SGCD: variants seen among roughly 807,000 people sequenced by gnomAD.
SGCD encodes delta-sarcoglycan.
SGCD carries 18 observed loss-of-function variants against 36.6 expected under a neutral mutation model. The ratio of observed to expected loss-of-function variants is 0.49; its 90% CI spans 0.34 to 0.73. The LOEUF (loss-of-function observed/expected upper bound fraction) is 0.73. SGCD is among the 30% of genes least tolerant of loss of function. The probability of loss-of-function intolerance (pLI) is 0.01; values close to 1 mark genes in which losing one functional copy is unlikely to be tolerated. For missense variants in SGCD, 387 were observed against 346.7 expected (o/e 1.12, Z -0.92); for synonymous variants, 133 against 130.6 (o/e 1.02, Z -0.12).
chr5:156,407,152 C>T (rs1459943966), intron 3 of SGCD, among the ~76,000 whole-genome samples: 5 of 152,228 alleles, frequency 3.3e-5, no homozygotes, highest in African/African-American at 9.6e-5. Flanking sequence ...ATGTTAATCT[C>T]GTCTGGCAAC....
At chr5:156,353,534 G>A (rs992130579) in intron 3 of SGCD, among the ~76,000 whole-genome samples, 1 of 152,172 alleles carries the variant, frequency 6.6e-6, no homozygotes, top group Non-Finnish European at 1.5e-5. Flanking sequence ...TAGTAAATGG[G>A]TGAAAGTGAT....
chr5:156,256,922 T>C (rs1485909163), intron 3 of SGCD, among the ~76,000 whole-genome samples: 1 of 152,132 alleles, frequency 6.6e-6, no homozygotes, highest in Non-Finnish European at 1.5e-5. Flanking sequence ...CTCACACCTA[T>C]AATACCAGCA....
chr5:156,669,905 G>A (rs1021869920), intron 7 of SGCD, among the ~76,000 whole-genome samples: 1 of 152,020 alleles, frequency 6.6e-6, no homozygotes, highest in Non-Finnish European at 1.5e-5. Flanking sequence ...TGGGGGAAAT[G>A]TCTTGAGTAC....
intron 4 of SGCD, among the ~76,000 whole-genome samples, chr5:156,531,405 G>A (rs1757883225): frequency 6.6e-6 from 1 of 152,202 alleles, no homozygotes; most frequent in Admixed American, 6.5e-5. Context: ...TGTACAGGAA[G>A]TATAATGAAA....
chr5:156,184,470 T>G (rs1305333608), intron 3 of SGCD, among the ~76,000 whole-genome samples: 1 of 151,866 alleles, frequency 6.6e-6, no homozygotes, highest in African/African-American at 2.4e-5. Context: ...ATAATTTAAA[T>G]AAGATGCTAC....
chr5:156,551,935 G>A (rs149848136), intron 4 of SGCD, among the ~76,000 whole-genome samples: 28 of 152,140 alleles, frequency 1.8e-4, no homozygotes, highest in Non-Finnish European at 3.4e-4. Context: ...TTTTCTAACC[G>A]ACCTGAAAAA....
intron 3 of SGCD, among the ~76,000 whole-genome samples, chr5:156,142,850 T>C (rs911024858): frequency 2.0e-5 from 3 of 152,184 alleles, no homozygotes; most frequent in Non-Finnish European, 2.9e-5. Flanking sequence ...GTGTAAAAGT[T>C]TGGAAAATTT....
rs373871327 is a variant in SGCD, at chr5:156,759,232, G to A, written c.715G>A (p.Ala239Thr). The A allele has an allele frequency of 1.1e-5, 17 of 1,613,570 alleles. No individual in the cohort carries two copies. The East Asian group carries it at 3.6e-4, about 34-fold the overall frequency. Residue 239 changes from alanine (A) to threonine (T), a missense_variant, in exon 9 of 9, where the codon GCG becomes ACG. By Grantham distance (58) the Ala-to-Thr change is moderately conservative. Transcript: ENST00000337851. The stretch of plus-strand genomic sequence containing the variant: ...CTGTCTTTAGATTAAGTTAGATGCT[G>A]CGAAAATCAGGCTACCTAGACTGCC... The part of the protein sequence containing the change: ...SKDGEIKLDA[A>T]KIRLPRLPHG...
intron 7 of SGCD, among the ~76,000 whole-genome samples, chr5:156,721,219 A>C (rs756774815): frequency 3.3e-5 from 5 of 152,174 alleles, no homozygotes; most frequent in Non-Finnish European, 5.9e-5. Context: ...ATGGAGTTCA[A>C]GGCAGAAGAT....
intron 3 of SGCD, among the ~76,000 whole-genome samples, chr5:156,216,164 G>A (rs982522449): frequency 1.3e-5 from 2 of 152,126 alleles, no homozygotes; most frequent in South Asian, 4.1e-4. Flanking sequence ...GTTATTAAGA[G>A]GCTGGGGAGA....
In SGCD at chr5:156,489,015, A is replaced by G. The variant is rs752529986; in HGVS notation, c.193-19586A>G. ...CCTGGATAGACACATTTAGATTGCA[A>G]GTGAAGGAATGGAAAAAGGGATTTC... On this transcript the variant is annotated intron_variant, in intron 3 of 8. Coordinates refer to ENST00000337851, the MANE Select transcript of SGCD (RefSeq NM_000337.6). Among the ~76,000 whole-genome samples, 113 of 152,216 alleles carry G rather than the reference A, an allele frequency of 7.4e-4. 1 individual carries two copies. Among genetic ancestry groups the G allele is most frequent in the Non-Finnish European group, 1.1e-3 (73 of 67,934 alleles).
chr5:155,728,761 C>T, the SGCD span, among the ~76,000 whole-genome samples: 10 of 152,136 alleles, frequency 6.6e-5, no homozygotes, highest in Non-Finnish European at 1.5e-4. Context: ...CCTGTGAGCC[C>T]CTCTCCCCGC....
intron 1 of SGCD, among the ~76,000 whole-genome samples, chr5:156,079,788 C>G (rs1334222885): frequency 2.0e-5 from 3 of 152,214 alleles, no homozygotes; most frequent in Admixed American, 1.3e-4. Context: ...CACAGCTGCT[C>G]TCACAGATTG....
chr5:156,484,230 T>C (rs749973453), intron 3 of SGCD, among the ~76,000 whole-genome samples: 1 of 152,136 alleles, frequency 6.6e-6, no homozygotes, highest in Non-Finnish European at 1.5e-5. Context: ...GAAGGCCTTC[T>C]TTTTCCTGAA....
intron 3 of SGCD, among the ~76,000 whole-genome samples, chr5:156,192,957 G>A (rs778485692): frequency 1.3e-5 from 2 of 151,046 alleles, no homozygotes; most frequent in African/African-American, 2.4e-5. Flanking sequence ...AAACTAATGA[G>A]TCTGGCTGTG....
At chr5:156,095,206 C>CGCCTACG (rs1761346024) in intron 1 of SGCD, among the ~76,000 whole-genome samples, 2 of 152,046 alleles carry the variant, frequency 1.3e-5, no homozygotes, top group Non-Finnish European at 2.9e-5. Flanking sequence ...GTTTGCAATC[C>CGCCTACG]CAAGAGGTAT....
chr5:156,620,715 C>T (rs965040291), intron 6 of SGCD, among the ~76,000 whole-genome samples: 2 of 152,140 alleles, frequency 1.3e-5, no homozygotes, highest in South Asian at 2.1e-4. Flanking sequence ...GAGCTGCCAT[C>T]GTTTTTTCCA....
chr5:156,017,932 G>A (rs1340229944), intron 1 of SGCD, among the ~76,000 whole-genome samples: 1 of 152,174 alleles, frequency 6.6e-6, no homozygotes, highest in African/African-American at 2.4e-5. Flanking sequence ...GGCCGAGACT[G>A]GAGGATTGCT....
intron 7 of SGCD, among the ~76,000 whole-genome samples, chr5:156,710,131 G>A (rs1754923131): frequency 6.6e-6 from 1 of 151,994 alleles, no homozygotes; most frequent in Non-Finnish European, 1.5e-5. Context: ...ATAGAATAGT[G>A]GTAGACAAAA....
Sources: gnomAD v4.1 joint callset for allele counts (sites outside exome capture counted in the v4.1 genomes callset) on GRCh38, gnomAD v4.1.1 for gene constraint, MANE v1.5 for transcripts, NCBI Gene and HGNC (gene_info 2026-07-23, HGNC 2026-07-21) for gene names.